The following DGKB variants were observed in gnomAD, a reference collection of about 807,000 sequenced individuals.
DGKB encodes the protein 90 kDa diacylglycerol kinase.
In DGKB, 67 loss-of-function variants were observed where a neutral mutation model predicts 114.3. The ratio of observed to expected loss-of-function variants is 0.59; its 90% CI spans 0.48 to 0.72. The LOEUF is 0.72. DGKB is among the 30% of genes least tolerant of loss of function. The pLI is 0.00. For missense variants in DGKB, 907 were observed against 975.2 expected (o/e 0.93, Z 0.93); for synonymous variants, 398 against 323.1 (o/e 1.23, Z -2.49).
At chr7:14,625,938 G>A (rs1174240078) in intron 14 of DGKB, among the ~76,000 whole-genome samples, 4 of 152,130 alleles carry the variant, frequency 2.6e-5, no homozygotes, top group Non-Finnish European at 5.9e-5. Context: ...GACTCCACAA[G>A]TAGCACAACA....
At chr7:14,247,401 T>C (rs1794643822) in intron 23 of DGKB, among the ~76,000 whole-genome samples, 1 of 152,116 alleles carries the variant, frequency 6.6e-6, no homozygotes, top group Non-Finnish European at 1.5e-5. Flanking sequence ...GGCAGTTCTG[T>C]TTTTAATTTT....
intron 21 of DGKB, among the ~76,000 whole-genome samples, chr7:14,371,632 C>G (rs1366190007): frequency 6.6e-6 from 1 of 151,966 alleles, no homozygotes; most frequent in Non-Finnish European, 1.5e-5. Context: ...TACTCCCATC[C>G]TGTAGGTTGA....
At chr7:14,252,241 G>C (rs1196992179) in intron 23 of DGKB, among the ~76,000 whole-genome samples, 1 of 152,084 alleles carries the variant, frequency 6.6e-6, no homozygotes, top group African/African-American at 2.4e-5. Context: ...CAAGTCTGCT[G>C]TTGAACCCTT....
In DGKB at chr7:14,701,721, C is replaced by G. The variant is rs562219154; in HGVS notation, c.476G>C (p.Arg159Pro). 1 of 1,609,102 alleles carries G rather than the reference C, an allele frequency of 6.2e-7. No individual in the cohort carries two copies. The highest frequency in any genetic ancestry group is 8.5e-7 in the Non-Finnish European group (1 of 1,175,908). Residue 159 changes from arginine (R) to proline (P), a missense_variant, in exon 7 of 26, where the codon CGC becomes CCC. By Grantham distance (103) the Arg-to-Pro change is moderately radical. Around this residue, in one of 3 missense-constraint regions of DGKB, gnomAD observed 814 missense variants for 856.6 expected, o/e 0.95. Transcript: ENST00000402815. The part of the protein sequence containing the change: ...RPEDKLEFMF[R>P]LYDTDGNGFL... ...GCCATTCCCATCCGTGTCATAAAGG[C>G]GAAACATAACTAGAATGAAAGAGGT...
chr7:14,601,321 C>A (rs1202367960), intron 17 of DGKB, among the ~76,000 whole-genome samples: 3 of 152,034 alleles, frequency 2.0e-5, no homozygotes, highest in African/African-American at 4.8e-5. Context: ...TTTCTGTCCT[C>A]AAGGCCCTGA....
At chr7:14,762,203 A>C (rs1835802237) in intron 2 of DGKB, among the ~76,000 whole-genome samples, 1 of 152,144 alleles carries the variant, frequency 6.6e-6, no homozygotes, top group African/African-American at 2.4e-5. Flanking sequence ...TGTTTTATTA[A>C]GCAAACATTC....
chr7:14,820,933 T>C (rs1844843531), intron 2 of DGKB, among the ~76,000 whole-genome samples: 1 of 152,168 alleles, frequency 6.6e-6, no homozygotes, highest in Admixed American at 6.6e-5. Flanking sequence ...GTTATTATCT[T>C]AGACCAGGCT....
At chr7:14,367,684 G>T (rs1816912506) in intron 21 of DGKB, among the ~76,000 whole-genome samples, 1 of 151,846 alleles carries the variant, frequency 6.6e-6, no homozygotes. Flanking sequence ...CCCAAGACTG[G>T]GTAATTTATA....
intron 23 of DGKB, among the ~76,000 whole-genome samples, chr7:14,213,257 T>G (rs1452714232): frequency 6.6e-6 from 1 of 152,258 alleles, no homozygotes; most frequent in East Asian, 1.9e-4. Context: ...GAGTTTCTTC[T>G]ATTTAAAGTT....
At chr7:14,206,115 G>A (rs1786767532) in intron 23 of DGKB, among the ~76,000 whole-genome samples, 1 of 151,972 alleles carries the variant, frequency 6.6e-6, no homozygotes, top group South Asian at 2.1e-4. Flanking sequence ...GAGCTATACA[G>A]ACATAATATG....
At chr7:14,377,344 T>C (rs1818657530) in intron 21 of DGKB, among the ~76,000 whole-genome samples, 2 of 152,226 alleles carry the variant, frequency 1.3e-5, no homozygotes, top group South Asian at 4.1e-4. Flanking sequence ...ATATCTATTA[T>C]AATGTACTAA....
chr7:14,322,668 G>A (rs1375073531), intron 23 of DGKB, among the ~76,000 whole-genome samples: 2 of 152,098 alleles, frequency 1.3e-5, no homozygotes, highest in African/African-American at 2.4e-5. Flanking sequence ...CTATAGGCAA[G>A]GCACACAGTG....
chr7:14,811,803 C>A (rs190283806), intron 2 of DGKB, among the ~76,000 whole-genome samples: 2 of 101,434 alleles, frequency 2.0e-5, no homozygotes, highest in South Asian at 3.0e-4. Context: ...TGTATATATA[C>A]ACACACACAC....
At chr7:14,454,538 T>C (rs895023396) in intron 21 of DGKB, among the ~76,000 whole-genome samples, 3 of 152,076 alleles carry the variant, frequency 2.0e-5, no homozygotes, top group Non-Finnish European at 4.4e-5. Context: ...GGCTTTTAAA[T>C]CTAAATTTTG....
At chr7:14,698,027 G>T in intron 8 of DGKB, 68 bp downstream of exon 8, 1 of 821,366 alleles carries the variant, frequency 1.2e-6, no homozygotes, top group Non-Finnish European at 2.0e-6. Context: ...GAGAAAGAAA[G>T]AAAGAAAGAA....
intron 2 of DGKB, among the ~76,000 whole-genome samples, chr7:14,777,287 G>T (rs902182145): frequency 6.6e-6 from 1 of 152,124 alleles, no homozygotes; most frequent in African/African-American, 2.4e-5. Flanking sequence ...GCTGGAATGA[G>T]TTAAGACTTT....
At chr7:14,339,029 T>C (rs1233581025) in intron 22 of DGKB, among the ~76,000 whole-genome samples, 2 of 152,098 alleles carry the variant, frequency 1.3e-5, no homozygotes, top group East Asian at 3.9e-4. Context: ...AAATTTCCAA[T>C]GTGTTACAAA....
intron 8 of DGKB, among the ~76,000 whole-genome samples, chr7:14,695,180 A>C (rs1281031529): frequency 6.6e-6 from 1 of 152,164 alleles, no homozygotes. Flanking sequence ...GAAGTATTGT[A>C]TTTGAAAATT....
chr7:14,459,764 T>C (rs972729602), intron 21 of DGKB, among the ~76,000 whole-genome samples: 3 of 152,026 alleles, frequency 2.0e-5, no homozygotes, highest in African/African-American at 7.2e-5. Flanking sequence ...AAGATACTCG[T>C]TGAGAAGAGC....
Sources: allele counts gnomAD v4.1 joint callset (sites outside exome capture counted in the v4.1 genomes callset), GRCh38; gene constraint gnomAD v4.1.1; regional missense constraint gnomAD v4.1.1; transcripts MANE v1.5; gene names NCBI Gene and HGNC (gene_info 2026-07-23, HGNC 2026-07-21).